Variants in RBBP8 observed in about 807,000 individuals in gnomAD.
The protein encoded by RBBP8 is RB binding protein 8, endonuclease.
In RBBP8, 88 loss-of-function variants were observed where a neutral mutation model predicts 108.3. That is an observed-to-expected ratio of 0.81 (90% CI 0.68 to 0.97). The LOEUF (loss-of-function observed/expected upper bound fraction) is 0.97. Among genes scored for constraint, RBBP8 ranks in the 50% least tolerant of loss-of-function variants. The probability of loss-of-function intolerance (pLI) is 0.00; values close to 1 mark genes in which losing one functional copy is unlikely to be tolerated. For missense variants in RBBP8, 1,023 were observed against 1,049.0 expected (o/e 0.98, Z 0.34); for synonymous variants, 332 against 348.2 (o/e 0.95, Z 0.52).
At chr18:23,019,704 T>C (rs1365806934) in intron 17 of RBBP8, among the ~76,000 whole-genome samples, 1 of 151,980 alleles carries the variant, frequency 6.6e-6, no homozygotes, top group Non-Finnish European at 1.5e-5. Flanking sequence ...ATATATCCCA[T>C]ATCCATCCAC....
intron 8 of RBBP8, 120 bp downstream of exon 8, chr18:22,985,110 AT>A (rs1420658995): frequency 2.2e-6 from 3 of 1,350,714 alleles, no homozygotes; most frequent in African/African-American, 3.0e-5. Context: ...TTTTGTTTAT[AT>A]TACTAGTTTA....
intron 15 of RBBP8, among the ~76,000 whole-genome samples, chr18:23,003,175 G>A (rs1325957285): frequency 2.0e-5 from 3 of 152,122 alleles, no homozygotes; most frequent in Non-Finnish European, 4.4e-5. Context: ...CTCTGAAAAT[G>A]ATTCCAAATC....
At chr18:22,940,408 C>T (rs941430203) in intron 2 of RBBP8, among the ~76,000 whole-genome samples, 1 of 148,434 alleles carries the variant, frequency 6.7e-6, no homozygotes, top group Non-Finnish European at 1.5e-5. Context: ...GCAAGCTCCA[C>T]CTCCTGGATT....
chr18:22,975,929 C>G (rs762935820), intron 6 of RBBP8, among the ~76,000 whole-genome samples: 8 of 152,020 alleles, frequency 5.3e-5, no homozygotes, highest in Non-Finnish European at 8.8e-5. Flanking sequence ...CTGACTAATG[C>G]AGAGCAGAGC....
Position 22,992,886 on chromosome 18 carries a change from T to TG in RBBP8, c.1062dup (p.Lys355GlufsTer11). Reference sequence around the variant, plus strand: ...GTTTGTCCCCTTCTCTTTTACAGCCTGGGAAAAAAAAACATCTGAAAACAC... The same window carrying TG: ...GTTTGTCCCCTTCTCTTTTACAGCCTGGGGAAAAAAAAACATCTGAAAACAC... On this transcript the variant is annotated frameshift_variant, in exon 11 of 19. Coordinates refer to ENST00000327155, the MANE Select transcript of RBBP8 (RefSeq NM_002894.3). LOFTEE classifies it high-confidence loss of function. 6.2e-7 allele frequency: 1 copy of TG among 1,613,684 alleles called. No homozygotes were observed. Among genetic ancestry groups the TG allele is most frequent in the South Asian group, 1.1e-5 (1 of 91,058 alleles).
At chr18:22,930,937 AT>A (rs1910001356), upstream of RBBP8, among the ~76,000 whole-genome samples, 1 of 152,008 alleles carries the variant, frequency 6.6e-6, no homozygotes, top group East Asian at 1.9e-4. Flanking sequence ...GTGTCCAGCT[AT>A]TTTGGTTTGA....
chr18:23,010,579 C>G (rs2046139950), intron 16 of RBBP8, among the ~76,000 whole-genome samples: 1 of 151,584 alleles, frequency 6.6e-6, no homozygotes, highest in Admixed American at 6.6e-5. Context: ...CCTGGGCCAA[C>G]AGAGTGAGAC....
chr18:22,971,568 A>T (rs988557641), intron 5 of RBBP8, among the ~76,000 whole-genome samples: 1 of 151,552 alleles, frequency 6.6e-6, no homozygotes. Context: ...TTGTGAATTT[A>T]TAAAACTCTT....
chr18:22,994,315 G>A (rs1159700246), intron 12 of RBBP8, among the ~76,000 whole-genome samples: 89 of 148,572 alleles, frequency 6.0e-4, no homozygotes, highest in Non-Finnish European at 1.2e-3. Context: ...GAGTCACTGC[G>A]CCCGGCCACT....
intron 4 of RBBP8, among the ~76,000 whole-genome samples, chr18:22,956,892 A>G (rs1447891871): frequency 6.6e-6 from 1 of 152,212 alleles, no homozygotes; most frequent in Non-Finnish European, 1.5e-5. Context: ...TCCAGGAACT[A>G]AAGTATTTCA....
intron 7 of RBBP8, among the ~76,000 whole-genome samples, 175 bp from the exon 8 acceptor site, chr18:22,984,711 A>G (rs1243798013): frequency 1.3e-5 from 2 of 152,228 alleles, no homozygotes; most frequent in African/African-American, 4.8e-5. Flanking sequence ...TCTTAGTGAA[A>G]TTAAAGGAGC....
chr18:23,018,156 A>G (rs1383201808), intron 17 of RBBP8, among the ~76,000 whole-genome samples: 1 of 151,372 alleles, frequency 6.6e-6, no homozygotes, highest in Non-Finnish European at 1.5e-5. Context: ...GGTTCAGACG[A>G]TTCTCCTGCC....
chr18:22,917,148 G>T (rs1909394437), intron 3 of RBBP8: 1 of 152,122 alleles, frequency 6.6e-6, no homozygotes, highest in Admixed American at 6.5e-5. Context: ...CTGATTCCTG[G>T]TACTAAATGT....
intron 18 of RBBP8, 34 bp from the exon 19 acceptor site, chr18:23,026,109 A>G (rs746936589): frequency 1.3e-6 from 2 of 1,518,454 alleles, no homozygotes; most frequent in South Asian, 1.1e-5. Flanking sequence ...CATGTTGCAC[A>G]TACAGTCTTC....
chr18:23,001,411 A>G (rs1291543200), intron 14 of RBBP8, among the ~76,000 whole-genome samples, 175 bp from the exon 15 acceptor site: 2 of 152,234 alleles, frequency 1.3e-5, no homozygotes, highest in Non-Finnish European at 2.9e-5. Context: ...TTATTACATT[A>G]CACAGTTACT....
chr18:22,969,023 C>T, intron 5 of RBBP8, 105 bp downstream of exon 5: 1 of 855,684 alleles, frequency 1.2e-6, no homozygotes, highest in Non-Finnish European at 1.8e-6. Context: ...ATATATTTTT[C>T]CTTATTTAGT....
chr18:22,968,838 T>C lies in RBBP8; in HGVS notation c.281T>C (p.Val94Ala), dbSNP rs1202659796. 1 of 1,613,602 alleles carries C rather than the reference T, an allele frequency of 6.2e-7. No homozygotes were observed. The highest frequency in any genetic ancestry group is 8.5e-7 in the Non-Finnish European group (1 of 1,179,668). Reference sequence around the variant, plus strand: ...GCAGGCTTATGTGATCGCTGTGCAGTAACTGAAGAACATATGCGGAAAAAA... The same window carrying C: ...GCAGGCTTATGTGATCGCTGTGCAGCAACTGAAGAACATATGCGGAAAAAA... ...LRAGLCDRCA[V>A]TEEHMRKKQQ... Residue 94 changes from valine (V) to alanine (A), a missense_variant, in exon 5 of 19, where the codon GTA becomes GCA. Transcript: ENST00000327155.
Position 22,999,821 on chromosome 18 carries a change from A to G in RBBP8, c.2144-1765A>G, listed in dbSNP as rs111627938. ...CTGTGACAGAAAGATCAACAAGGATATACTCTCTGTCTTCAGGTATTTCGC... is the reference window on the plus strand; with the variant it reads ...CTGTGACAGAAAGATCAACAAGGATGTACTCTCTGTCTTCAGGTATTTCGC... On this transcript the variant is annotated intron_variant, in intron 14 of 18. Transcript: ENST00000327155. Among the ~76,000 whole-genome samples the G allele has an allele frequency of 4.8e-3, 734 of 152,296 alleles. 2 individuals are homozygous for G. The highest frequency in any genetic ancestry group is 0.024 in the Middle Eastern group (7 of 294).
intron 17 of RBBP8, 131 bp from the exon 18 acceptor site, chr18:23,021,995 CAAT>C (rs2046352732): frequency 4.2e-6 from 3 of 720,102 alleles, no homozygotes; most frequent in Non-Finnish European, 7.3e-6. Flanking sequence ...ATAGTATCAT[CAAT>C]GAGGATTAAG....
Sources: allele counts gnomAD v4.1 joint callset (sites outside exome capture counted in the v4.1 genomes callset), GRCh38; gene constraint gnomAD v4.1.1; transcripts MANE v1.5; gene names NCBI Gene and HGNC (gene_info 2026-07-23, HGNC 2026-07-21).